The following KSR2 variants were observed in gnomAD, a reference collection of about 807,000 sequenced individuals.
KSR2 encodes the protein kinase suppressor of ras 2.
Under a neutral mutation model 107.8 loss-of-function variants are expected in KSR2, and 25 were observed. That is an observed-to-expected ratio of 0.23 (90% CI 0.17 to 0.32). KSR2 has a LOEUF of 0.32. KSR2 is among the 10% of genes least tolerant of loss of function. KSR2 has a pLI of 1.00. For synonymous variants in KSR2, 480 were observed against 507.0 expected (o/e 0.95, Z 0.71); for missense variants, 887 against 1,268.9 (o/e 0.70, Z 4.57).
chr12:117,639,611 T>C (rs1440931408), intron 5 of KSR2, among the ~76,000 whole-genome samples: 1 of 142,188 alleles, frequency 7.0e-6, no homozygotes, highest in Non-Finnish European at 1.5e-5. Context: ...ATTACAGGCA[T>C]GAGCCACCGC....
At chr12:117,912,484 T>A (rs1895045120) in intron 1 of KSR2, among the ~76,000 whole-genome samples, 1 of 152,216 alleles carries the variant, frequency 6.6e-6, no homozygotes, top group African/African-American at 2.4e-5. Flanking sequence ...TACACCCTTA[T>A]GGAAAACCGT....
At chr12:117,863,574 C>T (rs925074184) in intron 1 of KSR2, among the ~76,000 whole-genome samples, 3 of 152,322 alleles carry the variant, frequency 2.0e-5, no homozygotes, top group African/African-American at 7.2e-5. Flanking sequence ...TAAAGAACAT[C>T]GAATCCACCT....
intron 4 of KSR2, among the ~76,000 whole-genome samples, chr12:117,756,963 G>A (rs1321455022): frequency 6.6e-6 from 1 of 151,630 alleles, no homozygotes; most frequent in Non-Finnish European, 1.5e-5. Flanking sequence ...GCTGAGGCAG[G>A]AGAATTGCTA....
chr12:117,859,666 A>G (rs1384242294), intron 2 of KSR2, among the ~76,000 whole-genome samples: 1 of 151,590 alleles, frequency 6.6e-6, no homozygotes, highest in Non-Finnish European at 1.5e-5. Context: ...CATGTTGCCC[A>G]GGCTGGTCCC....
intron 5 of KSR2, among the ~76,000 whole-genome samples, chr12:117,648,782 T>C (rs760924745): frequency 2.0e-5 from 3 of 152,102 alleles, no homozygotes; most frequent in Non-Finnish European, 4.4e-5. Context: ...TAGAAACATA[T>C]CCAACCAATC....
At chr12:117,813,872 C>T (rs2137057121) in intron 3 of KSR2, among the ~76,000 whole-genome samples, 1 of 152,238 alleles carries the variant, frequency 6.6e-6, no homozygotes, top group East Asian at 1.9e-4. Context: ...TGGATTGACC[C>T]AAGTGTCCAA....
chr12:117,586,095 G>A (rs1211839862), intron 5 of KSR2, among the ~76,000 whole-genome samples: 1 of 152,140 alleles, frequency 6.6e-6, no homozygotes, highest in East Asian at 1.9e-4. Context: ...CCAACAGCAG[G>A]AACCAACATT....
chr12:117,639,780 A>G (rs1024479303), intron 5 of KSR2, among the ~76,000 whole-genome samples: 1 of 151,870 alleles, frequency 6.6e-6, no homozygotes, highest in Non-Finnish European at 1.5e-5. Context: ...CTTCAGATGT[A>G]TCCGTCAATA....
At chr12:117,915,638 T>C (rs949452423) in intron 1 of KSR2, among the ~76,000 whole-genome samples, 5 of 152,092 alleles carry the variant, frequency 3.3e-5, no homozygotes, top group Non-Finnish European at 7.4e-5. Context: ...GGGAAAACAG[T>C]CTTATCTCCA....
At chr12:117,958,864 A>G (rs115024117) in intron 1 of KSR2, among the ~76,000 whole-genome samples, 2,444 of 152,240 alleles carry the variant, frequency 0.016, 63 homozygotes, top group African/African-American at 0.057. Flanking sequence ...CATACTATGT[A>G]GCCATTACAA....
At chr12:117,479,482 C>A (rs1872018673) in intron 16 of KSR2, among the ~76,000 whole-genome samples, 1 of 152,170 alleles carries the variant, frequency 6.6e-6, no homozygotes, top group South Asian at 2.1e-4. Flanking sequence ...CGGGGGCTGT[C>A]CTGGGCATTG....
intron 5 of KSR2, among the ~76,000 whole-genome samples, chr12:117,655,961 C>A (rs773239490): frequency 1.3e-5 from 2 of 152,134 alleles, no homozygotes; most frequent in Admixed American, 6.5e-5. Context: ...TGACCCGGAC[C>A]CTTCAGGAAT....
chr12:117,936,524 TTATTATTATTAGTAGTAG>T (rs1343274985), intron 1 of KSR2, among the ~76,000 whole-genome samples: 99 of 93,790 alleles, frequency 1.1e-3, no homozygotes, highest in African/African-American at 3.5e-3. Flanking sequence ...ATTATTATTA[TTATTATTATTAGTAGTAG>T]TAGTAGTAGT....
intron 3 of KSR2, among the ~76,000 whole-genome samples, chr12:117,847,084 G>A (rs1365634817): frequency 6.6e-6 from 1 of 152,252 alleles, no homozygotes; most frequent in Non-Finnish European, 1.5e-5. Flanking sequence ...CAGAACAGGA[G>A]GGCTGGAGAA....
chr12:117,847,880 G>A (rs988961910), intron 3 of KSR2, among the ~76,000 whole-genome samples: 2 of 148,278 alleles, frequency 1.3e-5, no homozygotes, highest in African/African-American at 2.4e-5. Context: ...CAATCCTGAA[G>A]TCCTGAGAAA....
chr12:117,762,261 A>G (rs1835759904), intron 3 of KSR2, among the ~76,000 whole-genome samples: 1 of 152,216 alleles, frequency 6.6e-6, no homozygotes, highest in African/African-American at 2.4e-5. Flanking sequence ...CCTAACCCTC[A>G]TGTGAGATAC....
intron 1 of KSR2, among the ~76,000 whole-genome samples, chr12:117,869,303 C>T (rs552238141): frequency 1.7e-4 from 26 of 151,896 alleles, no homozygotes; most frequent in Non-Finnish European, 2.6e-4. Flanking sequence ...ACCCAGGAGA[C>T]GGAGGTTGCA....
At chr12:117,891,293 G>A (rs61640416) in intron 1 of KSR2, among the ~76,000 whole-genome samples, 25,528 of 151,832 alleles carry the variant, frequency 0.17, 2,377 homozygotes, top group East Asian at 0.35. Context: ...GCGCATGCCT[G>A]TAATCACAGC....
At chr12:117,740,347 A>G (rs893498687) in intron 4 of KSR2, among the ~76,000 whole-genome samples, 32 of 124,870 alleles carry the variant, frequency 2.6e-4, no homozygotes, top group African/African-American at 5.9e-4. Flanking sequence ...TGTTATATAT[A>G]CTATATATAG....
Sources: allele counts gnomAD v4.1 joint callset (sites outside exome capture counted in the v4.1 genomes callset), GRCh38; gene constraint gnomAD v4.1.1; transcripts MANE v1.5; gene names NCBI Gene and HGNC (gene_info 2026-07-23, HGNC 2026-07-21).